IPO11: variants seen among roughly 807,000 people sequenced by gnomAD.
IPO11 encodes importin-11.
A neutral mutation model predicts 143.2 loss-of-function variants in IPO11; 66 were observed. That is an observed-to-expected ratio of 0.46 (90% CI 0.38 to 0.57). The LOEUF is 0.57. Among genes scored for constraint, IPO11 ranks in the 20% least tolerant of loss-of-function variants. IPO11 has a pLI of 0.00. For synonymous variants in IPO11, 385 were observed against 377.8 expected (o/e 1.02, Z -0.22); for missense variants, 1,026 against 1,141.0 (o/e 0.90, Z 1.45).
At chr5:62,581,573 A>C (rs141338231) in intron 27 of IPO11, 76 of 326,212 alleles carry the variant, frequency 2.3e-4, no homozygotes, top group African/African-American at 1.6e-3. Flanking sequence ...TAATCTGTGA[A>C]TAGTCTTGAA....
rs1288238971 is a variant in IPO11 at position 62,437,351 on chromosome 5, G to C, written c.72G>C (p.Val24=). ...LTQATSQDTA[V]LKPAEEQLKQ... Reference sequence around the variant, plus strand: ...AGGCCACCAGTCAGGATACTGCTGTGTTAAAACCAGCTGAGGAGCAGTTGA... The same window carrying C: ...AGGCCACCAGTCAGGATACTGCTGTCTTAAAACCAGCTGAGGAGCAGTTGA... Residue 24 remains valine (V), a synonymous_variant, in exon 2 of 30, where the codon GTG becomes GTC. Transcript: ENST00000325324. 1 of 1,613,020 alleles carries C rather than the reference G, an allele frequency of 6.2e-7. No individual in the cohort carries two copies. Among genetic ancestry groups the C allele is most frequent in the Non-Finnish European group, 8.5e-7 (1 of 1,179,408 alleles).
chr5:62,579,780 T>G lies in IPO11; in HGVS notation c.2583-11797T>G, dbSNP rs918273153. On this transcript the variant is annotated intron_variant, in intron 27 of 29. Coordinates refer to ENST00000325324, the MANE Select transcript of IPO11 (RefSeq NM_016338.5). Reference sequence around the variant, plus strand: ...AATTGAGGCATCTATATTTTCTATTTCTAAATAATAATTTCATCAAACGCT... The same window carrying G: ...AATTGAGGCATCTATATTTTCTATTGCTAAATAATAATTTCATCAAACGCT... 3.2e-6 allele frequency: 5 copies of G among 1,542,754 alleles called. No homozygotes were observed. In the African/African-American group the frequency reaches 6.9e-5, roughly 21 times the overall value.
intron 26 of IPO11, among the ~76,000 whole-genome samples, chr5:62,558,003 A>G (rs764965529): frequency 1.3e-5 from 2 of 152,192 alleles, no homozygotes; most frequent in Non-Finnish European, 2.9e-5. Flanking sequence ...AGAACTTTAT[A>G]CCAAGGCTCA....
intron 8 of IPO11, among the ~76,000 whole-genome samples, chr5:62,475,605 A>G (rs759037389): frequency 1.2e-4 from 18 of 152,234 alleles, no homozygotes; most frequent in Non-Finnish European, 2.2e-4. Flanking sequence ...TCATATGTTT[A>G]ACAAATATTG....
At chr5:62,571,380 A>C (rs986656316) in intron 27 of IPO11, among the ~76,000 whole-genome samples, 2 of 152,194 alleles carry the variant, frequency 1.3e-5, no homozygotes, top group Admixed American at 6.5e-5. Context: ...AACAGCTAGC[A>C]CCTAGGGCTT....
chr5:62,475,930 G>A (rs1439666756), intron 8 of IPO11, among the ~76,000 whole-genome samples: 1 of 152,168 alleles, frequency 6.6e-6, no homozygotes, highest in Non-Finnish European at 1.5e-5. Context: ...TGTGTGTTTG[G>A]GGATTTGCTC....
At chr5:62,457,669 C>T (rs998677052) in intron 5 of IPO11, among the ~76,000 whole-genome samples, 2 of 152,104 alleles carry the variant, frequency 1.3e-5, no homozygotes, top group African/African-American at 4.8e-5. Flanking sequence ...TAAGATAGAT[C>T]ACTCACCCTC....
chr5:62,427,023 T>C (rs1458250609), intron 1 of IPO11, among the ~76,000 whole-genome samples: 3 of 149,698 alleles, frequency 2.0e-5, no homozygotes, highest in Non-Finnish European at 4.4e-5. Context: ...CTGCAATTTC[T>C]GCCTCCTGGT....
chr5:62,536,933 A>T (rs1742755114), intron 23 of IPO11, 152 bp downstream of exon 23: 9 of 978,152 alleles, frequency 9.2e-6, no homozygotes, highest in Non-Finnish European at 1.3e-5. Context: ...ATTGCAGGGC[A>T]GATGTGCTGC....
intron 27 of IPO11, chr5:62,578,893 A>ACT (rs988064935): frequency 3.3e-6 from 1 of 298,588 alleles, no homozygotes; most frequent in African/African-American, 2.2e-5. Context: ...GAAAACCTTT[A>ACT]CTGAATCAGC....
In IPO11 at chr5:62,442,977, T is replaced by C. The variant is rs771572844; in HGVS notation, c.139-6T>C. 3.9e-6 allele frequency: 6 copies of C among 1,519,382 alleles called. No homozygotes were observed. The highest frequency in any genetic ancestry group is 4.5e-6 in the Non-Finnish European group (5 of 1,104,242). The allele number at this position is 1,519,382 out of a possible 1,614,324, so 94.1% of individuals were successfully genotyped here. Reference sequence around the variant, plus strand: ...CTAATTCTAATATTATGTTTTTTATTTATAGAATATTTTCACCAACCACAC... The same window carrying C: ...CTAATTCTAATATTATGTTTTTTATCTATAGAATATTTTCACCAACCACAC... On this transcript the variant is annotated splice_region_variant and splice_polypyrimidine_tract_variant and intron_variant, in intron 2 of 29. Coordinates refer to ENST00000325324, the MANE Select transcript of IPO11 (RefSeq NM_016338.5).
rs32170 is a variant in IPO11, at chr5:62,551,246, G to A, written c.2370G>A (p.Thr790=). Residue 790 remains threonine (T), a synonymous_variant, in exon 26 of 30, where the codon ACG becomes ACA. Coordinates refer to ENST00000325324, the MANE Select transcript of IPO11 (RefSeq NM_016338.5). The part of the protein sequence containing the change: ...EGERYPVVMS[T]YLGVMGRVLL... ...AGAGGTATCCTGTAGTGATGTCCAC[G>A]TATCTTGGAGTTATGGGTCGAGTTC... is the stretch of plus-strand genomic sequence containing the variant. The A allele has an allele frequency of 9.3e-6, 15 of 1,604,896 alleles. No individual in the cohort carries two copies. The East Asian group carries it at 1.3e-4, about 14-fold the overall frequency.
At position 62,450,007 on chromosome 5, in the gene IPO11, A is replaced by T; in HGVS notation, c.312+8A>T. The T allele has an allele frequency of 6.4e-7, 1 of 1,569,700 alleles. No homozygotes were observed. Among genetic ancestry groups the T allele is most frequent in the Non-Finnish European group, 8.6e-7 (1 of 1,157,486 alleles). On this transcript the variant is annotated splice_region_variant and intron_variant, in intron 4 of 29. Transcript: ENST00000325324. ...AATGAACCAATAAACCAGGTTAGTG[A>T]GAAATGAATGCTAATTTTTCTTTTT...
At chr5:62,576,505 T>C (rs1053777201) in intron 27 of IPO11, among the ~76,000 whole-genome samples, 3 of 152,152 alleles carry the variant, frequency 2.0e-5, no homozygotes, top group African/African-American at 7.2e-5. Flanking sequence ...TCTAAATACA[T>C]ATAGGCTGGA....
At chr5:62,542,749 A>G (rs1366330297) in intron 24 of IPO11, among the ~76,000 whole-genome samples, 2 of 152,178 alleles carry the variant, frequency 1.3e-5, no homozygotes, top group Non-Finnish European at 1.5e-5. Flanking sequence ...ATGTAATTAT[A>G]AAATACTCTA....
chr5:62,422,130 T>C (rs1045561822), intron 1 of IPO11, among the ~76,000 whole-genome samples: 1 of 151,448 alleles, frequency 6.6e-6, no homozygotes, highest in Non-Finnish European at 1.5e-5. Flanking sequence ...GAAGGAACTT[T>C]ATTTATTTAT....
chr5:62,483,781 C>T (rs1007158986), intron 10 of IPO11, among the ~76,000 whole-genome samples: 1 of 151,742 alleles, frequency 6.6e-6, no homozygotes, highest in Non-Finnish European at 1.5e-5. Context: ...TTCAGTATGC[C>T]GTGATGGTAT....
At chr5:62,463,489 T>G (rs1161971412) in intron 5 of IPO11, among the ~76,000 whole-genome samples, 1 of 151,696 alleles carries the variant, frequency 6.6e-6, no homozygotes, top group Non-Finnish European at 1.5e-5. Flanking sequence ...CACAGTGAGA[T>G]CCTATCTCTA....
intron 27 of IPO11, among the ~76,000 whole-genome samples, chr5:62,565,801 C>T: frequency 6.6e-6 from 1 of 151,292 alleles, no homozygotes. Flanking sequence ...CCCAACTGGC[C>T]CTGGTGTGTG....
Sources: allele counts gnomAD v4.1 joint callset (sites outside exome capture counted in the v4.1 genomes callset), GRCh38; gene constraint gnomAD v4.1.1; transcripts MANE v1.5; gene names NCBI Gene and HGNC (gene_info 2026-07-23, HGNC 2026-07-21).